Variants in GABRG3 observed in about 807,000 individuals in gnomAD.
GABRG3 encodes the protein gamma-aminobutyric acid receptor subunit gamma-3.
In GABRG3, 25 loss-of-function variants were observed where a neutral mutation model predicts 48.8. The ratio of observed to expected loss-of-function variants is 0.51; its 90% confidence interval spans 0.37 to 0.72. GABRG3 has a LOEUF of 0.72. GABRG3 is among the 30% of genes least tolerant of loss of function. GABRG3 has a pLI of 0.00. For missense variants in GABRG3, 394 were observed against 577.9 expected, an observed-to-expected ratio of 0.68 and a Z score of 3.26; for synonymous variants, 227 against 217.6, an observed-to-expected ratio of 1.04 and a Z score of -0.38.
chr15:27,428,953 G>C (rs546911683), intron 5 of GABRG3, among the ~76,000 whole-genome samples: 17 of 152,282 alleles, frequency 1.1e-4, no homozygotes, highest in Non-Finnish European at 1.9e-4. Context: ...AGGAAAGTCA[G>C]GTACGAATCT....
At chr15:26,971,756 T>C (rs1286942077) in intron 1 of GABRG3, among the ~76,000 whole-genome samples, 168 bp downstream of exon 1, 2 of 152,180 alleles carry the variant, frequency 1.3e-5, no homozygotes, top group South Asian at 2.1e-4. Context: ...CCCAGCTCCC[T>C]TGGACACGGT....
intron 3 of GABRG3, among the ~76,000 whole-genome samples, chr15:27,324,935 T>G (rs893014262): frequency 7.9e-6 from 1 of 127,368 alleles, no homozygotes; most frequent in African/African-American, 3.9e-5. Context: ...GGTTACTGGG[T>G]GGCAGCCTAA....
chr15:27,526,240 C>G (rs1041823789), intron 7 of GABRG3, among the ~76,000 whole-genome samples: 3 of 152,204 alleles, frequency 2.0e-5, no homozygotes, highest in Non-Finnish European at 4.4e-5. Flanking sequence ...TGCTTTGAGA[C>G]CCATTCTCCA....
intron 5 of GABRG3, among the ~76,000 whole-genome samples, chr15:27,465,496 G>A (rs1447710707): frequency 2.0e-5 from 3 of 152,156 alleles, no homozygotes; most frequent in Non-Finnish European, 4.4e-5. Flanking sequence ...TTTAAAAGAT[G>A]AGTCAGTGGC....
intron 3 of GABRG3, among the ~76,000 whole-genome samples, chr15:27,153,677 T>C (rs755496746): frequency 1.2e-4 from 18 of 152,208 alleles, no homozygotes; most frequent in African/African-American, 1.9e-4. Flanking sequence ...TTTCAACATA[T>C]ATCTTCTCAA....
rs61461156 is a variant in GABRG3, at chr15:27,430,989, C to CAATAAATAAATAAATA, written c.575-49625_575-49610dup. Among the ~76,000 whole-genome samples, 12 of 141,216 alleles carry CAATAAATAAATAAATA rather than the reference C, an allele frequency of 8.5e-5. 1 individual carries two copies. The highest frequency in any genetic ancestry group is 4.8e-4 in the South Asian group (2 of 4,188). 92.6% of individuals were successfully genotyped at this position (141,216 alleles called of 152,430 possible). A position where few individuals can be genotyped will look rare whatever the true frequency, so the allele number is the denominator to read the frequency against. On this transcript the variant is annotated intron_variant, in intron 5 of 9. Transcript: ENST00000615808. ...TGGGTGACAGAGCAAGTCCCTGTCT[C>CAATAAATAAATAAATA]AATAAATAAATAAATAAATAAATAA...
chr15:27,101,296 T>C (rs1897351928), intron 3 of GABRG3, among the ~76,000 whole-genome samples: 1 of 152,010 alleles, frequency 6.6e-6, no homozygotes, highest in Non-Finnish European at 1.5e-5. Context: ...AAAATGCAAA[T>C]GAAAGAAAGC....
At chr15:27,300,378 TGC>T (rs1453572219) in intron 3 of GABRG3, among the ~76,000 whole-genome samples, 1 of 152,098 alleles carries the variant, frequency 6.6e-6, no homozygotes, top group African/African-American at 2.4e-5. Flanking sequence ...TTTAAAAACA[TGC>T]AGGCCAGGCA....
Position 27,498,307 on chromosome 15 carries a change from G to A in GABRG3, c.712+17520G>A, listed in dbSNP as rs928268573. Among the ~76,000 whole-genome samples, 5 of 151,882 alleles carry A rather than the reference G, an allele frequency of 3.3e-5. No homozygotes were observed. In the South Asian group the frequency reaches 6.3e-4, roughly 19 times the overall value. On this transcript the variant is annotated intron_variant, in intron 6 of 9. Transcript: ENST00000615808. The stretch of plus-strand genomic sequence containing the variant: ...ATTTCCATAGCTAGTCTGGCTTCTC[G>A]GGAGAAGGCTGGGAACTCTCCTCTC...
chr15:27,289,336 A>G (rs1366673195), intron 3 of GABRG3, among the ~76,000 whole-genome samples: 1 of 151,468 alleles, frequency 6.6e-6, no homozygotes, highest in Admixed American at 6.6e-5. Flanking sequence ...AAGCCTCTGT[A>G]TATTTTTATT....
At chr15:27,035,887 G>A (rs138974629) in intron 3 of GABRG3, among the ~76,000 whole-genome samples, 2 of 152,342 alleles carry the variant, frequency 1.3e-5, no homozygotes, top group East Asian at 3.9e-4. Flanking sequence ...GGTGAGAAAT[G>A]GTGAGTTCTG....
At chr15:27,357,495 A>G (rs1206579188) in intron 5 of GABRG3, among the ~76,000 whole-genome samples, 1 of 152,244 alleles carries the variant, frequency 6.6e-6, no homozygotes, top group Non-Finnish European at 1.5e-5. Flanking sequence ...CAACTTAGAC[A>G]TTCAAAAATA....
Position 27,388,083 on chromosome 15 carries a change from AAAGGAGGG to A in GABRG3, c.574+59197_574+59204del, listed in dbSNP as rs1437885337. On this transcript the variant is annotated intron_variant, in intron 5 of 9. Transcript: ENST00000615808. ...AGGGAGGGTAAGGAAGGAAGGAAGG[AAAGGAGGG>A]AGGAAAGGGAGGGAGGGAAAAGAAG... 2.7e-4 allele frequency among the ~76,000 whole-genome samples: 24 copies of A among 89,118 alleles called. 1 individual carries two copies. Among genetic ancestry groups the A allele is most frequent in the East Asian group, 1.9e-3 (4 of 2,134 alleles). 58.5% of individuals were successfully genotyped at this position (89,118 alleles called of 152,430 possible).
chr15:27,445,594 G>A (rs1888919831), intron 5 of GABRG3, among the ~76,000 whole-genome samples: 1 of 152,218 alleles, frequency 6.6e-6, no homozygotes, highest in African/African-American at 2.4e-5. Flanking sequence ...TCCCTTATCA[G>A]ATTATGTGGT....
intron 3 of GABRG3, among the ~76,000 whole-genome samples, chr15:27,274,613 G>A (rs1891194838): frequency 6.6e-6 from 1 of 152,058 alleles, no homozygotes; most frequent in Admixed American, 6.5e-5. Flanking sequence ...CCACACTGGG[G>A]ATCAAATTTC....
In GABRG3 at chr15:26,976,556, G is replaced by C. The variant is rs1357943558; in HGVS notation, c.54-446G>C. 6.6e-6 allele frequency among the ~76,000 whole-genome samples: 1 copy of C among 152,014 alleles called. No homozygotes were observed. The highest frequency in any genetic ancestry group is 2.4e-5 in the African/African-American group (1 of 41,408). On this transcript the variant is annotated intron_variant, in intron 1 of 9. Transcript: ENST00000615808. This position sits in a 1 kb window ranked among gnomAD's most constrained non-coding sequence, Gnocchi z 7.8. ...TTTTGAATGAGTCCACTCTGCAAAA[G>C]CTAATCTCACCTTCAACGAAAATGA...
At chr15:27,174,278 A>G (rs1566954698) in intron 3 of GABRG3, among the ~76,000 whole-genome samples, 1 of 152,196 alleles carries the variant, frequency 6.6e-6, no homozygotes, top group Non-Finnish European at 1.5e-5. Flanking sequence ...CTTGATTCTC[A>G]AGCATTGATT....
intron 3 of GABRG3, among the ~76,000 whole-genome samples, chr15:27,058,364 C>T (rs572469192): frequency 3.2e-4 from 49 of 152,226 alleles, no homozygotes; most frequent in East Asian, 7.7e-4. Context: ...GCAGTTTAGA[C>T]GAGGGTAAAG....
chr15:27,249,289 C>T (rs537075278), intron 3 of GABRG3, among the ~76,000 whole-genome samples: 1 of 152,270 alleles, frequency 6.6e-6, no homozygotes, highest in South Asian at 2.1e-4. Flanking sequence ...GGCATGAAAC[C>T]GCGGGGCTGG....
Sources: gnomAD v4.1 joint callset for allele counts (sites outside exome capture counted in the v4.1 genomes callset) on GRCh38, gnomAD v4.1.1 for gene constraint, Gnocchi (gnomAD v3.1) non-coding constraint, MANE v1.5 for transcripts, NCBI Gene and HGNC (gene_info 2026-07-23, HGNC 2026-07-21) for gene names.